DYNC2I2: variants seen among roughly 807,000 people sequenced by gnomAD.
The protein encoded by DYNC2I2 is cytoplasmic dynein 2 intermediate chain 2.
Under a neutral mutation model 52.0 loss-of-function variants are expected in DYNC2I2, and 39 were observed. The ratio of observed to expected loss-of-function variants is 0.75; its 90% CI spans 0.58 to 0.98. The LOEUF is 0.98. Ranked by LOEUF, DYNC2I2 falls within the 50% of genes least tolerant of loss-of-function variation. The pLI is 0.00. For missense variants in DYNC2I2, 743 were observed against 728.4 expected, an observed-to-expected ratio of 1.02 and a Z score of -0.23; for synonymous variants, 359 against 321.1, an observed-to-expected ratio of 1.12 and a Z score of -1.26.
chr9:128,682,952 A>T, the DYNC2I2 span, among the ~76,000 whole-genome samples: 1 of 150,760 alleles, frequency 6.6e-6, no homozygotes, highest in East Asian at 2.0e-4. Context: ...CTGGGATTAC[A>T]GGCTTGAGTC....
chr9:128,661,275 A>G (rs1469690737), upstream of DYNC2I2, among the ~76,000 whole-genome samples: 1 of 144,488 alleles, frequency 6.9e-6, no homozygotes, highest in East Asian at 2.1e-4. Flanking sequence ...ACTGCACTCC[A>G]GTCTGGGTAA....
At chr9:128,647,566 T>C (rs1229457739) in intron 1 of DYNC2I2, among the ~76,000 whole-genome samples, 1 of 151,874 alleles carries the variant, frequency 6.6e-6, no homozygotes, top group East Asian at 1.9e-4. Flanking sequence ...AAACCCCGTC[T>C]CTACTAAAAA....
chr9:128,668,289 C>T, the DYNC2I2 span, among the ~76,000 whole-genome samples: 2 of 140,304 alleles, frequency 1.4e-5, no homozygotes, highest in Admixed American at 7.2e-5. Context: ...GTAATCTGCC[C>T]GCCTCCGCCT....
chr9:128,684,068 A>AT, the DYNC2I2 span: 1 of 1,334,002 alleles, frequency 7.5e-7, no homozygotes, highest in Non-Finnish European at 1.0e-6. Flanking sequence ...TGACTCTCTG[A>AT]TTTTTACCCC....
chr9:128,661,340 C>T (rs117233884), upstream of DYNC2I2, among the ~76,000 whole-genome samples: 8,175 of 150,466 alleles, frequency 0.054, 389 homozygotes, highest in East Asian at 0.2. Context: ...GAAAAACCAG[C>T]CTGGCATGGT....
chr9:128,681,392 A>G, the DYNC2I2 span, among the ~76,000 whole-genome samples: 6,715 of 152,226 alleles, frequency 0.044, 235 homozygotes, highest in East Asian at 0.16. Flanking sequence ...CGTCTGGCCC[A>G]TTTATTTTCA....
chr9:128,657,098 C>T (rs1240756856), upstream of DYNC2I2, among the ~76,000 whole-genome samples: 1 of 152,240 alleles, frequency 6.6e-6, no homozygotes, highest in Non-Finnish European at 1.5e-5. Flanking sequence ...CCTGGGAGCG[C>T]AGATCTGGCT....
intron 1 of DYNC2I2, among the ~76,000 whole-genome samples, chr9:128,653,119 C>T (rs1860749383): frequency 6.7e-6 from 1 of 149,606 alleles, no homozygotes; most frequent in Admixed American, 6.6e-5. Flanking sequence ...ATCCCAGCTA[C>T]TCAGGAAGCT....
At chr9:128,658,811 C>T (rs1163131061), upstream of DYNC2I2, among the ~76,000 whole-genome samples, 1 of 144,514 alleles carries the variant, frequency 6.9e-6, no homozygotes, top group Non-Finnish European at 1.5e-5. Flanking sequence ...GCAGCCTCAA[C>T]CTCTCCGGGC....
At chr9:128,636,154 C>T in intron 4 of DYNC2I2, 127 bp downstream of exon 4, 1 of 1,406,256 alleles carries the variant, frequency 7.1e-7, no homozygotes, top group Non-Finnish European at 9.8e-7. Context: ...GGGCTCCAGA[C>T]TGAGAGGGTC....
chr9:128,657,057 CTGCGGCCGTG>C (rs1021357052), upstream of DYNC2I2, among the ~76,000 whole-genome samples: 6 of 152,212 alleles, frequency 3.9e-5, no homozygotes, highest in African/African-American at 7.2e-5. Context: ...GGGCGGCAGC[CTGCGGCCGTG>C]GCCGGCCCGC....
At position 128,649,918 on chromosome 9, in the gene DYNC2I2, G is replaced by A. The variant is rs547932157; in HGVS notation, c.186+6623C>T. Among the ~76,000 whole-genome samples, 3 of 53,276 alleles carry A rather than the reference G, an allele frequency of 5.6e-5. 1 individual carries two copies. Among genetic ancestry groups the A allele is most frequent in the South Asian group, 1.2e-3 (2 of 1,604 alleles). 35.0% of individuals were successfully genotyped at this position (53,276 alleles called of 152,430 possible). ...TGAGGCAGGAGAATCGCTTGAACCCGGGAGACAGAGGTTGCAGTGAGCTGA... is the reference window on the plus strand; with the variant it reads ...TGAGGCAGGAGAATCGCTTGAACCCAGGAGACAGAGGTTGCAGTGAGCTGA... On this transcript the variant is annotated intron_variant, in intron 1 of 8. Transcript: ENST00000372715.
At chr9:128,674,707 C>A in the DYNC2I2 span, among the ~76,000 whole-genome samples, 2 of 152,148 alleles carry the variant, frequency 1.3e-5, no homozygotes, top group African/African-American at 4.8e-5. Flanking sequence ...TGCACCACTG[C>A]ACTCCAGCCT....
chr9:128,644,575 G>A (rs1860577843), intron 1 of DYNC2I2, among the ~76,000 whole-genome samples: 1 of 152,126 alleles, frequency 6.6e-6, no homozygotes, highest in Admixed American at 6.6e-5. Context: ...CACCGCACCT[G>A]TCCAACCTGA....
Position 128,633,948 on chromosome 9 carries a change from G to A in DYNC2I2, c.1407C>T (p.Ser469=). The change falls in exon 9 of 9, where the codon TCC becomes TCT. Residue 469 remains serine (S), a synonymous_variant. Coordinates refer to ENST00000372715, the MANE Select transcript of DYNC2I2 (RefSeq NM_052844.4). ...DVQLFDLQKS[S]QKPTVLIKQT... ...GCTTGATCAAAACTGTGGGTTTCTGGGAGCTTTTCTGGAGATCAAACAGCT... is the reference window on the plus strand; with the variant it reads ...GCTTGATCAAAACTGTGGGTTTCTGAGAGCTTTTCTGGAGATCAAACAGCT... 2 of 1,613,102 alleles carry A rather than the reference G, an allele frequency of 1.2e-6. No individual in the cohort carries two copies. Among genetic ancestry groups the A allele is most frequent in the South Asian group, 1.1e-5 (1 of 91,088 alleles).
At chr9:128,667,713 G>A in the DYNC2I2 span, among the ~76,000 whole-genome samples, 5 of 151,202 alleles carry the variant, frequency 3.3e-5, no homozygotes, top group African/African-American at 1.2e-4. Context: ...GGGATTACAG[G>A]CATTCGCCAC....
At chr9:128,676,798 G>A in the DYNC2I2 span, among the ~76,000 whole-genome samples, 1 of 150,580 alleles carries the variant, frequency 6.6e-6, no homozygotes, top group Non-Finnish European at 1.5e-5. Context: ...CTCCCCAAGT[G>A]TGGGGATTAC....
rs759289615 is a variant in DYNC2I2 at position 128,656,719 on chromosome 9, G to A, written c.8C>T (p.Thr3Ile). ...GCTGAGTGGCCCCGGCTGCGCGCGG[G>A]TTGCCATGGAGACGGTTCCGCCCTC... MA[T>I]RAQPGPLSQA... is the part of the protein sequence containing the mutation. Residue 3 changes from threonine to isoleucine, a missense_variant, in exon 1 of 9, where the codon ACC becomes ATC. Physicochemically the swap from Thr to Ile is moderately conservative, Grantham distance 89 (BLOSUM62 -1). Transcript: ENST00000372715. 2.9e-5 allele frequency: 41 copies of A among 1,422,078 alleles called. No individual in the cohort carries two copies. The highest frequency in any genetic ancestry group is 3.6e-5 in the Non-Finnish European group (39 of 1,095,936). 88.1% of individuals were successfully genotyped at this position (1,422,078 alleles called of 1,614,324 possible).
upstream of DYNC2I2, among the ~76,000 whole-genome samples, chr9:128,660,761 G>A (rs1589440205): frequency 1.3e-5 from 2 of 151,320 alleles, no homozygotes. Flanking sequence ...ATGGTGTCAC[G>A]CTCTGTCATC....
Sources: allele counts gnomAD v4.1 joint callset (sites outside exome capture counted in the v4.1 genomes callset), GRCh38; gene constraint gnomAD v4.1.1; transcripts MANE v1.5; gene names NCBI Gene and HGNC (gene_info 2026-07-23, HGNC 2026-07-21).